The following KLF12 variants were observed in gnomAD, a reference collection of about 807,000 sequenced individuals.
The protein encoded by KLF12 is Krueppel-like factor 12.
KLF12 carries 9 observed loss-of-function variants against 37.8 expected under a neutral mutation model. The observed-to-expected ratio is 0.24, with a 90% CI of 0.14 to 0.42. KLF12 has a LOEUF of 0.42. Ranked by LOEUF, KLF12 falls within the 10% of genes least tolerant of loss-of-function variation. The pLI, the probability that KLF12 is intolerant of heterozygous loss-of-function variation, is 1.00. For synonymous variants in KLF12, 208 were observed against 202.1 expected (o/e 1.03, Z -0.25); for missense variants, 411 against 516.0 (o/e 0.80, Z 1.97).
intron 3 of KLF12, among the ~76,000 whole-genome samples, chr13:73,858,448 A>G (rs971653002): frequency 3.3e-5 from 5 of 152,204 alleles, no homozygotes; most frequent in Non-Finnish European, 5.9e-5. Context: ...GGATTAAAAC[A>G]ATGGTGTTCC....
At chr13:73,832,237 A>T (rs1311615645) in intron 4 of KLF12, among the ~76,000 whole-genome samples, 1 of 151,812 alleles carries the variant, frequency 6.6e-6, no homozygotes, top group Non-Finnish European at 1.5e-5. Flanking sequence ...CTCATTATTT[A>T]CTCTTTTCCT....
chr13:73,862,563 A>G lies in KLF12; in HGVS notation c.124-16190T>C, dbSNP rs557043125. 6.8e-4 allele frequency among the ~76,000 whole-genome samples: 103 copies of G among 152,188 alleles called. 2 individuals carry two copies. Among genetic ancestry groups the G allele is most frequent in the Non-Finnish European group, 1.3e-3 (88 of 68,010 alleles). ...TGAAATCACTGTAATCAATTCTATA[A>G]AACATTTGTCTCTTATTTTGTGCAA... On this transcript the variant is annotated intron_variant, in intron 3 of 7. Coordinates refer to ENST00000377669, the MANE Select transcript of KLF12 (RefSeq NM_007249.5).
intron 1 of KLF12, among the ~76,000 whole-genome samples, chr13:74,092,607 G>A (rs1875740041): frequency 6.6e-6 from 1 of 151,106 alleles, no homozygotes; most frequent in South Asian, 2.1e-4. Flanking sequence ...CTCGGCAACA[G>A]AGACTCCAAC....
the KLF12 span, among the ~76,000 whole-genome samples, chr13:74,228,442 A>G: frequency 6.0e-4 from 91 of 152,182 alleles, 1 homozygote; most frequent in Non-Finnish European, 1.2e-3. Flanking sequence ...AAAATATTAC[A>G]TATTCATAAG....
chr13:74,161,177 A>G, the KLF12 span, among the ~76,000 whole-genome samples: 9 of 152,028 alleles, frequency 5.9e-5, no homozygotes, highest in South Asian at 1.9e-3. Context: ...GAGTTTTAGC[A>G]AATTTGTTGA....
chr13:74,224,646 C>A, the KLF12 span, among the ~76,000 whole-genome samples: 73 of 152,202 alleles, frequency 4.8e-4, no homozygotes, highest in African/African-American at 1.7e-3. Flanking sequence ...TGGAACATAA[C>A]ATATGAAAAA....
chr13:74,138,579 G>A (rs12430284), upstream of KLF12, among the ~76,000 whole-genome samples: 36,145 of 152,072 alleles, frequency 0.24, 6,019 homozygotes, highest in African/African-American at 0.47. Context: ...ATGCCATTTC[G>A]TAACTTTGTT....
intron 1 of KLF12, among the ~76,000 whole-genome samples, chr13:74,034,887 A>G (rs1263909908): frequency 6.6e-6 from 1 of 152,202 alleles, no homozygotes; most frequent in Non-Finnish European, 1.5e-5. Context: ...AGCTGTCACT[A>G]TTTTTAGCAA....
intron 1 of KLF12, among the ~76,000 whole-genome samples, chr13:74,064,012 TAATAA>T (rs1481244024): frequency 6.6e-6 from 1 of 152,170 alleles, no homozygotes; most frequent in Non-Finnish European, 1.5e-5. Context: ...AGACATGAGC[TAATAA>T]AATAATTTGG....
chr13:73,719,648 T>C (rs934115055), intron 6 of KLF12, among the ~76,000 whole-genome samples: 3 of 150,378 alleles, frequency 2.0e-5, no homozygotes, highest in Non-Finnish European at 4.4e-5. Context: ...TCATCTAGAC[T>C]GGTGGCCTAG....
chr13:73,702,395 T>C (rs1337328440), intron 7 of KLF12, among the ~76,000 whole-genome samples: 2 of 152,130 alleles, frequency 1.3e-5, no homozygotes, highest in Non-Finnish European at 2.9e-5. Flanking sequence ...AATAACTTTT[T>C]CAGGTACCTC....
Position 74,127,218 on chromosome 13 carries a change from T to C in KLF12, c.-32+6521A>G, listed in dbSNP as rs1300772762. ...ATCAATACACTAGAGCAAATATTTA[T>C]AAATGCAGCATGGTTTAATTCTACT... On this transcript the variant is annotated intron_variant, in intron 1 of 7. Transcript: ENST00000377669. Among the ~76,000 whole-genome samples, 5 of 152,228 alleles carry C rather than the reference T, an allele frequency of 3.3e-5. No homozygotes were observed. In the East Asian group the frequency reaches 7.7e-4, roughly 23 times the overall value.
intron 6 of KLF12, among the ~76,000 whole-genome samples, chr13:73,728,897 G>C (rs1343243383): frequency 2.6e-5 from 4 of 152,126 alleles, no homozygotes; most frequent in African/African-American, 7.2e-5. Context: ...TTGGTTATTA[G>C]GATAATGCTG....
At chr13:73,737,159 A>C (rs963058027) in intron 6 of KLF12, among the ~76,000 whole-genome samples, 2 of 152,202 alleles carry the variant, frequency 1.3e-5, no homozygotes, top group African/African-American at 4.8e-5. Flanking sequence ...TCAGAAGCCT[A>C]ACAAGTCACT....
At chr13:73,713,596 G>A (rs1432867959) in intron 7 of KLF12, among the ~76,000 whole-genome samples, 1 of 152,196 alleles carries the variant, frequency 6.6e-6, no homozygotes, top group Non-Finnish European at 1.5e-5. Flanking sequence ...TGATTTCATT[G>A]TATTAATAGC....
chr13:74,287,081 C>T, the KLF12 span, among the ~76,000 whole-genome samples: 1 of 152,116 alleles, frequency 6.6e-6, no homozygotes, highest in Non-Finnish European at 1.5e-5. Flanking sequence ...GTCTGGTAAG[C>T]TTTAAGTCCC....
intron 7 of KLF12, 125 bp downstream of exon 7, chr13:73,715,243 T>C (rs1875709928): frequency 2.9e-6 from 2 of 683,386 alleles, no homozygotes; most frequent in East Asian, 5.5e-5. Flanking sequence ...ACATTCCGCC[T>C]AGAAGGAGGG....
chr13:73,987,308 C>T (rs1891849030), intron 2 of KLF12, among the ~76,000 whole-genome samples: 1 of 152,042 alleles, frequency 6.6e-6, no homozygotes, highest in Non-Finnish European at 1.5e-5. Flanking sequence ...TAATATACAA[C>T]TGTTGATACA....
At chr13:73,855,680 G>GTGCT (rs909241246) in intron 3 of KLF12, among the ~76,000 whole-genome samples, 26 of 152,110 alleles carry the variant, frequency 1.7e-4, no homozygotes, top group African/African-American at 6.0e-4. Flanking sequence ...GCTCTCCACG[G>GTGCT]TGCTTGGACT....
Sources: gnomAD v4.1 joint callset for allele counts (sites outside exome capture counted in the v4.1 genomes callset) on GRCh38, gnomAD v4.1.1 for gene constraint, MANE v1.5 for transcripts, NCBI Gene and HGNC (gene_info 2026-07-23, HGNC 2026-07-21) for gene names.